The following NCOR2 variants were observed in gnomAD, a reference collection of about 807,000 sequenced individuals.
The protein encoded by NCOR2 is CTG repeat protein 26.
In NCOR2, 81 loss-of-function variants were observed where a neutral mutation model predicts 262.9. The observed-to-expected ratio is 0.31, with a 90% CI of 0.26 to 0.37. The LOEUF is 0.37. Among genes scored for constraint, NCOR2 ranks in the 10% least tolerant of loss-of-function variants. NCOR2 has a pLI of 1.00. For synonymous variants in NCOR2, 1,659 were observed against 1,559.3 expected (o/e 1.06, Z -1.51); for missense variants, 3,385 against 3,621.4 (o/e 0.93, Z 1.68).
Position 124,457,533 on chromosome 12 carries a change from T to C in NCOR2, c.706-371A>G, listed in dbSNP as rs2045944892. On this transcript the variant is annotated intron_variant, in intron 5 of 46. Transcript: ENST00000405201. The surrounding 1 kb of genome is among the most constrained non-coding windows in gnomAD (Gnocchi z 4.0). ...AGCCCTGAGATGCCTTCCCTCACCC[T>C]GGAAGCTGGTTGGGTTGTCTACAAT... Among the ~76,000 whole-genome samples the C allele has an allele frequency of 6.6e-6, 1 of 152,012 alleles. No individual in the cohort carries two copies. The highest frequency in any genetic ancestry group is 1.5e-5 in the Non-Finnish European group (1 of 67,990).
chr12:124,502,158 C>T (rs1032424496), intron 1 of NCOR2, among the ~76,000 whole-genome samples: 3 of 152,196 alleles, frequency 2.0e-5, no homozygotes, highest in South Asian at 2.1e-4. Flanking sequence ...GCCGGTGGGA[C>T]GTGGCAAGGG....
intron 31 of NCOR2, 126 bp from the exon 34 acceptor site, chr12:124,345,077 G>A (rs2036798889): frequency 1.1e-6 from 1 of 870,684 alleles, no homozygotes; most frequent in Non-Finnish European, 1.7e-6. Context: ...TGCCTCCAGA[G>A]GCAGGGAGAC....
upstream of NCOR2, among the ~76,000 whole-genome samples, chr12:124,536,908 C>T (rs2051130811): frequency 1.3e-5 from 2 of 152,138 alleles, no homozygotes. Flanking sequence ...AACGGTCCAT[C>T]GACAGGTGAA....
chr12:124,543,637 G>C (rs920877624), intron 1 of NCOR2, among the ~76,000 whole-genome samples: 1 of 152,240 alleles, frequency 6.6e-6, no homozygotes, highest in Admixed American at 6.5e-5. Flanking sequence ...AGAGACAGCA[G>C]CCGGCAGGAG....
At position 124,482,491 on chromosome 12, in the gene NCOR2, C is replaced by T. The variant is rs528852352; in HGVS notation, c.411+1105G>A. On this transcript the variant is annotated intron_variant, in intron 3 of 46. Coordinates refer to ENST00000405201, the Ensembl canonical transcript of NCOR2. This position sits in a 1 kb window ranked among gnomAD's most constrained non-coding sequence, Gnocchi z 6.3. ...CCCGCAGCCAGACCACCACCCATGC[C>T]GGCTCACGGGTGCCAAATAGTTCCC... 1.2e-4 allele frequency among the ~76,000 whole-genome samples: 18 copies of T among 152,316 alleles called. No homozygotes were observed. The highest frequency in any genetic ancestry group is 1.9e-4 in the East Asian group (1 of 5,180).
chr12:124,442,123 T>A lies in NCOR2; in HGVS notation c.816-4127A>T, dbSNP rs967505355. On this transcript the variant is annotated intron_variant, in intron 7 of 46. Coordinates refer to ENST00000405201, the Ensembl canonical transcript of NCOR2. ...AGGGTCATGTGCCACTATTTCTTTC[T>A]TAGTATTTTGTTTTGTTTTGTTTTG... Among the ~76,000 whole-genome samples, 3 of 152,126 alleles carry A rather than the reference T, an allele frequency of 2.0e-5. No homozygotes were observed. The East Asian group carries it at 5.8e-4, about 29-fold the overall frequency.
At chr12:124,434,712 A>C (rs987288654) in intron 8 of NCOR2, among the ~76,000 whole-genome samples, 9 of 152,198 alleles carry the variant, frequency 5.9e-5, no homozygotes. Flanking sequence ...ATTGGCAGTC[A>C]TTTTAGGTGA....
At position 124,430,726 on chromosome 12, in the gene NCOR2, C is replaced by T. The variant is rs1012459312; in HGVS notation, c.944G>A (p.Arg315His). ...CCGCCGCCGGGGGTTGTTCTCGATG[C>T]GCTCCACCTTCTTCTCCCAGGCCTC... The change falls in exon 9 of 47, where the codon CGC (arginine) becomes CAC (histidine). Residue 315 changes from arginine (R) to histidine (H), a missense_variant. Around this residue, in one of 5 missense-constraint regions of NCOR2, gnomAD observed 515 missense variants for 781.2 expected, o/e 0.66. Transcript: ENST00000405201. The T allele has an allele frequency of 3.1e-6, 5 of 1,614,048 alleles. No homozygotes were observed. In the South Asian group the frequency reaches 3.3e-5, roughly 11 times the overall value.
At chr12:124,383,985 G>A (rs1780816939) in intron 17 of NCOR2, among the ~76,000 whole-genome samples, 2 of 152,154 alleles carry the variant, frequency 1.3e-5, no homozygotes, top group Admixed American at 6.5e-5. Flanking sequence ...GCAGCGGGGG[G>A]AGACGTCCAT....
At chr12:124,354,228 T>A (rs3817108) in intron 26 of NCOR2, 32 bp from the exon 29 acceptor site, 461,632 of 1,548,240 alleles carry the variant, frequency 0.3, 71,252 homozygotes, top group Admixed American at 0.49. Context: ...GCTGAGGGCG[T>A]GTCTGTGGCC....
chr12:124,519,737 G>A (rs1396984095), intron 1 of NCOR2, among the ~76,000 whole-genome samples: 1 of 152,164 alleles, frequency 6.6e-6, no homozygotes, highest in Non-Finnish European at 1.5e-5. Context: ...CACACACACC[G>A]AGCCCAGCAG....
chr12:124,425,268 G>A (rs1433620313), intron 11 of NCOR2, among the ~76,000 whole-genome samples: 1 of 152,140 alleles, frequency 6.6e-6, no homozygotes, highest in Non-Finnish European at 1.5e-5. Flanking sequence ...CAGCTACTCG[G>A]GAGGCTGAGG....
chr12:124,458,602 C>G (rs373891635), intron 5 of NCOR2, among the ~76,000 whole-genome samples: 1 of 152,240 alleles, frequency 6.6e-6, no homozygotes, highest in South Asian at 2.1e-4. Flanking sequence ...GTCGGGCATA[C>G]GGTGTGTTCT....
intron 13 of NCOR2, among the ~76,000 whole-genome samples, chr12:124,406,113 G>A (rs1313305310): frequency 1.3e-5 from 2 of 152,198 alleles, no homozygotes; most frequent in Non-Finnish European, 2.9e-5. Context: ...ACTGGCAAAC[G>A]TTTTCTGTAA....
intron 6 of NCOR2, among the ~76,000 whole-genome samples, chr12:124,453,320 C>T (rs570246609): frequency 5.6e-4 from 85 of 152,302 alleles, no homozygotes; most frequent in Admixed American, 2.2e-3. Flanking sequence ...GAGAAATGAC[C>T]CCTGGGGGGA....
At chr12:124,429,486 C>T (rs2043792804) in intron 10 of NCOR2, 127 bp downstream of exon 12, 1 of 968,164 alleles carries the variant, frequency 1.0e-6, no homozygotes, top group African/African-American at 1.6e-5. Context: ...TTGATTCCAC[C>T]CGCGCTTCGG....
At chr12:124,535,145 C>A (rs1230790020) in intron 1 of NCOR2, among the ~76,000 whole-genome samples, 1 of 152,242 alleles carries the variant, frequency 6.6e-6, no homozygotes, top group Non-Finnish European at 1.5e-5. Flanking sequence ...AGCCTCAGGG[C>A]TTCCTCCAGC....
At chr12:124,468,249 C>T (rs1565971250) in intron 4 of NCOR2, among the ~76,000 whole-genome samples, 1 of 81,560 alleles carries the variant, frequency 1.2e-5, no homozygotes, top group African/African-American at 4.8e-5. Context: ...CCCCCTCATC[C>T]TCATCCTCAT....
At chr12:124,380,675 C>T (rs973602508) in intron 17 of NCOR2, among the ~76,000 whole-genome samples, 2 of 152,092 alleles carry the variant, frequency 1.3e-5, no homozygotes, top group African/African-American at 4.8e-5. Flanking sequence ...CCTGAGCTGC[C>T]CGGGCGGTGG....
Sources: allele counts gnomAD v4.1 joint callset (sites outside exome capture counted in the v4.1 genomes callset), GRCh38; gene constraint gnomAD v4.1.1; regional missense constraint gnomAD v4.1.1; non-coding constraint Gnocchi (gnomAD v3.1); transcripts MANE v1.5; gene names NCBI Gene and HGNC (gene_info 2026-07-23, HGNC 2026-07-21).